NFIA: variants seen among roughly 807,000 people sequenced by gnomAD.
The protein encoded by NFIA is nuclear factor I A.
A neutral mutation model predicts 62.8 loss-of-function variants in NFIA; 8 were observed. The observed-to-expected ratio is 0.13, with a 90% CI of 0.07 to 0.23. NFIA has a LOEUF of 0.23. Ranked by LOEUF, NFIA falls within the 10% of genes least tolerant of loss-of-function variation. The pLI is 1.00. For missense variants in NFIA, 410 were observed against 642.1 expected (o/e 0.64, Z 3.91); for synonymous variants, 235 against 238.1 (o/e 0.99, Z 0.12).
At chr1:61,297,398 A>G (rs538314335) in intron 3 of NFIA, among the ~76,000 whole-genome samples, 65 of 152,328 alleles carry the variant, frequency 4.3e-4, no homozygotes, top group African/African-American at 1.5e-3. Flanking sequence ...CCACTGACCC[A>G]TAGCTTACAT....
intron 2 of NFIA, among the ~76,000 whole-genome samples, chr1:61,168,227 C>T (rs1354955470): frequency 1.3e-5 from 2 of 152,064 alleles, no homozygotes; most frequent in Non-Finnish European, 2.9e-5. Flanking sequence ...AGTGCAAAGA[C>T]CAGTTGTGAT....
intron 10 of NFIA, among the ~76,000 whole-genome samples, chr1:61,451,877 A>G (rs564201243): frequency 7.2e-5 from 11 of 152,204 alleles, no homozygotes; most frequent in Admixed American, 1.3e-4. Flanking sequence ...ACCTAAGCTT[A>G]TGTCACTAAA....
At chr1:61,279,307 G>A (rs1570501278) in intron 3 of NFIA, among the ~76,000 whole-genome samples, 2 of 151,980 alleles carry the variant, frequency 1.3e-5, no homozygotes, top group Middle Eastern at 3.4e-3. Context: ...CTGGATTCTA[G>A]CATTAAATAT....
At chr1:61,326,468 A>G (rs1309890057) in intron 3 of NFIA, among the ~76,000 whole-genome samples, 1 of 152,180 alleles carries the variant, frequency 6.6e-6, no homozygotes, top group Non-Finnish European at 1.5e-5. Context: ...CAATGATTTT[A>G]CCAAGAGGAA....
chr1:61,189,262 T>G (rs547893028), intron 2 of NFIA, among the ~76,000 whole-genome samples: 1 of 152,258 alleles, frequency 6.6e-6, no homozygotes, highest in African/African-American at 2.4e-5. Flanking sequence ...AGCTGGGGCC[T>G]GACCTTAGGG....
At chr1:61,173,595 G>A (rs895590174) in intron 2 of NFIA, among the ~76,000 whole-genome samples, 1 of 151,960 alleles carries the variant, frequency 6.6e-6, no homozygotes, top group Non-Finnish European at 1.5e-5. Flanking sequence ...TCACCATGTT[G>A]GCCAGGCTAG....
chr1:61,222,507 T>C (rs1487464035), intron 2 of NFIA, among the ~76,000 whole-genome samples: 1 of 152,058 alleles, frequency 6.6e-6, no homozygotes, highest in Admixed American at 6.6e-5. Context: ...AAAGGTTGAG[T>C]CCTTATAGTC....
At chr1:61,373,122 TTCTC>T in intron 6 of NFIA, among the ~76,000 whole-genome samples, 1 of 152,250 alleles carries the variant, frequency 6.6e-6, no homozygotes, top group South Asian at 2.1e-4. Context: ...GCTTCCCACT[TTCTC>T]TGTGATTCAA....
intron 10 of NFIA, among the ~76,000 whole-genome samples, chr1:61,447,540 C>T (rs935852053): frequency 2.0e-5 from 3 of 152,156 alleles, no homozygotes. Context: ...CCATCCACTG[C>T]ACTGTCTGGG....
intron 2 of NFIA, among the ~76,000 whole-genome samples, chr1:61,167,292 T>A (rs1465169038): frequency 1.3e-5 from 2 of 152,182 alleles, no homozygotes; most frequent in East Asian, 3.9e-4. Context: ...GTGTACTGAT[T>A]TGGAGTATGT....
intron 4 of NFIA, among the ~76,000 whole-genome samples, chr1:61,346,164 A>G (rs1662217579): frequency 6.6e-6 from 1 of 152,224 alleles, no homozygotes; most frequent in African/African-American, 2.4e-5. Flanking sequence ...GAGACAAAGC[A>G]TGATAAAGCC....
At chr1:61,108,003 G>A (rs576348510) in intron 2 of NFIA, among the ~76,000 whole-genome samples, 2 of 151,696 alleles carry the variant, frequency 1.3e-5, no homozygotes, top group African/African-American at 4.8e-5. Context: ...CTGTTACACT[G>A]ATCAACTTGT....
At chr1:61,154,546 G>A (rs960612187) in intron 2 of NFIA, among the ~76,000 whole-genome samples, 1 of 152,148 alleles carries the variant, frequency 6.6e-6, no homozygotes, top group Non-Finnish European at 1.5e-5. Context: ...CGCCTTCTGG[G>A]CTCAAGTGAT....
intron 2 of NFIA, among the ~76,000 whole-genome samples, chr1:61,233,979 A>G (rs1654829824): frequency 6.6e-6 from 1 of 152,114 alleles, no homozygotes; most frequent in East Asian, 1.9e-4. Context: ...CTGTGAAGAG[A>G]TCCTTGACCT....
intron 2 of NFIA, among the ~76,000 whole-genome samples, chr1:61,163,856 A>G (rs1213187949): frequency 6.6e-6 from 1 of 152,230 alleles, no homozygotes. Flanking sequence ...AGACATAGCA[A>G]CAGCCCATGT....
At chr1:61,341,138 A>T (rs1161932655) in intron 4 of NFIA, among the ~76,000 whole-genome samples, 3 of 135,346 alleles carry the variant, frequency 2.2e-5, no homozygotes, top group Non-Finnish European at 4.6e-5. Context: ...ATCTCGGCTC[A>T]CTGCAAGCTC....
At chr1:61,380,248 C>CT (rs1391407939) in intron 6 of NFIA, among the ~76,000 whole-genome samples, 1 of 152,100 alleles carries the variant, frequency 6.6e-6, no homozygotes, top group East Asian at 1.9e-4. Flanking sequence ...CTACAAAAGT[C>CT]TTTATTTTTC....
intron 1 of NFIA, among the ~76,000 whole-genome samples, chr1:61,083,418 T>C (rs1272942218): frequency 6.6e-6 from 1 of 152,096 alleles, no homozygotes; most frequent in Non-Finnish European, 1.5e-5. Context: ...GTTTATTGTT[T>C]GTCAGCCTTC....
intron 2 of NFIA, among the ~76,000 whole-genome samples, chr1:61,159,209 T>C (rs1470438547): frequency 2.6e-5 from 4 of 152,152 alleles, no homozygotes; most frequent in Non-Finnish European, 5.9e-5. Flanking sequence ...GTAAACATTT[T>C]TTACCTGGTG....
Sources: gnomAD v4.1 joint callset for allele counts (sites outside exome capture counted in the v4.1 genomes callset) on GRCh38, gnomAD v4.1.1 for gene constraint, MANE v1.5 for transcripts, NCBI Gene and HGNC (gene_info 2026-07-23, HGNC 2026-07-21) for gene names.